RNF115: variants seen among roughly 807,000 people sequenced by gnomAD.
RNF115 encodes the protein ring finger protein 115.
Under a neutral mutation model 39.2 loss-of-function variants are expected in RNF115, and 31 were observed. The ratio of observed to expected loss-of-function variants is 0.79; its 90% CI spans 0.59 to 1.07. The LOEUF is 1.07. Among genes scored for constraint, RNF115 ranks in the 50% least tolerant of loss-of-function variants. RNF115 has a pLI of 0.00. For missense variants in RNF115, 384 were observed against 381.7 expected (o/e 1.01, Z -0.05); for synonymous variants, 124 against 131.0 (o/e 0.95, Z 0.37).
chr1:145,811,367 A>G (rs1164448568), intron 1 of RNF115, among the ~76,000 whole-genome samples: 5 of 148,182 alleles, frequency 3.4e-5, no homozygotes, highest in Admixed American at 2.7e-4. Context: ...AAAAAAAAAA[A>G]AAAAAAAAGA....
intron 3 of RNF115, chr1:145,773,410 G>A (rs1254079636): frequency 6.6e-6 from 1 of 151,434 alleles, no homozygotes; most frequent in Non-Finnish European, 1.5e-5. Context: ...TTGAACCAAC[G>A]AGTTCAAGAT....
intron 1 of RNF115, among the ~76,000 whole-genome samples, chr1:145,802,228 A>G (rs1553720967): frequency 6.6e-6 from 1 of 152,202 alleles, no homozygotes; most frequent in East Asian, 1.9e-4. Flanking sequence ...AGATTACTGT[A>G]AACAACTCTA....
At chr1:145,808,378 A>G (rs1257909396) in intron 1 of RNF115, among the ~76,000 whole-genome samples, 2 of 152,084 alleles carry the variant, frequency 1.3e-5, no homozygotes, top group Non-Finnish European at 2.9e-5. Context: ...AATAATGGCC[A>G]TTCTAACTGG....
intron 4 of RNF115, among the ~76,000 whole-genome samples, chr1:145,764,591 C>G (rs1304536500): frequency 6.7e-6 from 1 of 150,158 alleles, no homozygotes; most frequent in African/African-American, 2.5e-5. Flanking sequence ...AAGTGAGGAT[C>G]CCCTCCGCCC....
intron 1 of RNF115, among the ~76,000 whole-genome samples, chr1:145,816,778 C>T (rs2101612469): frequency 6.9e-6 from 1 of 145,068 alleles, no homozygotes; most frequent in African/African-American, 2.4e-5. Flanking sequence ...TCCCCTCTCT[C>T]TTCTCTCTCA....
intron 1 of RNF115, among the ~76,000 whole-genome samples, chr1:145,793,962 G>C (rs141794726): frequency 3.1e-3 from 465 of 151,074 alleles, no homozygotes; most frequent in African/African-American, 0.011. Flanking sequence ...TCCCACCTCA[G>C]CCTCCAGAGT....
chr1:145,787,090 AC>A (rs1648417521), intron 2 of RNF115: 1 of 1,162,974 alleles, frequency 8.6e-7, no homozygotes, highest in African/African-American at 1.6e-5. Flanking sequence ...TAAAGGAATT[AC>A]CTACTGCCAT....
intron 3 of RNF115, among the ~76,000 whole-genome samples, chr1:145,779,274 A>G (rs1553716975): frequency 6.6e-6 from 1 of 151,934 alleles, no homozygotes; most frequent in Admixed American, 6.6e-5. Context: ...TCCCAGGCTC[A>G]AGAGATTCTC....
At chr1:145,809,411 C>T (rs1441076397) in intron 1 of RNF115, among the ~76,000 whole-genome samples, 3 of 150,918 alleles carry the variant, frequency 2.0e-5, no homozygotes, top group Non-Finnish European at 1.5e-5. Context: ...AAACTCCCGA[C>T]CTCAGGTGAT....
intron 4 of RNF115, among the ~76,000 whole-genome samples, chr1:145,756,605 TAAAAC>T (rs1658303161): frequency 6.6e-6 from 1 of 152,146 alleles, no homozygotes; most frequent in Non-Finnish European, 1.5e-5. Flanking sequence ...CTGGGTAGCT[TAAAAC>T]AAAAGGAATT....
At chr1:145,747,234 C>T (rs1364237785) in intron 8 of RNF115, among the ~76,000 whole-genome samples, 1 of 152,146 alleles carries the variant, frequency 6.6e-6, no homozygotes, top group Non-Finnish European at 1.5e-5. Flanking sequence ...AAGTTAATAA[C>T]AGCTAATACA....
At chr1:145,764,410 G>A (rs1420722325) in intron 4 of RNF115, among the ~76,000 whole-genome samples, 2 of 147,502 alleles carry the variant, frequency 1.4e-5, no homozygotes, top group South Asian at 2.2e-4. Flanking sequence ...TCTGCCGGCC[G>A]CCCATCGTCT....
chr1:145,749,786 A>ATAT (rs1658010228), intron 7 of RNF115, among the ~76,000 whole-genome samples: 1 of 152,182 alleles, frequency 6.6e-6, no homozygotes, highest in Non-Finnish European at 1.5e-5. Context: ...CACACCACGT[A>ATAT]TATTAGTTCA....
At chr1:145,811,107 T>C (rs1402061957) in intron 1 of RNF115, among the ~76,000 whole-genome samples, 1 of 151,084 alleles carries the variant, frequency 6.6e-6, no homozygotes. Flanking sequence ...TGGGCTCAAG[T>C]GATCCAACCG....
intron 4 of RNF115, among the ~76,000 whole-genome samples, chr1:145,769,710 C>A (rs1312956179): frequency 1.5e-5 from 2 of 137,416 alleles, no homozygotes; most frequent in Non-Finnish European, 3.1e-5. Flanking sequence ...ATCCTGACAC[C>A]AAAACTTGAT....
In RNF115 at chr1:145,823,817, C is replaced by A. The variant is rs1650438011; in HGVS notation, c.57G>T (p.Arg19=). Residue 19 remains arginine, a synonymous_variant, in exon 1 of 9, where the codon CGG becomes CGT. Transcript: ENST00000582693. ...CGCCCTTGCAAAAGTGGCAGAAAAA[C>A]CGGTGGGCGGCTACAGCGGCGCCCG... The part of the protein sequence containing the change: ...ADSGAAVAAH[R]FFCHFCKGEV... 2 of 1,586,276 alleles carry A rather than the reference C, an allele frequency of 1.3e-6. No homozygotes were observed. The highest frequency in any genetic ancestry group is 2.8e-5 in the African/African-American group (2 of 72,236).
intron 1 of RNF115, among the ~76,000 whole-genome samples, chr1:145,790,870 G>A (rs10910835): frequency 0.49 from 74,838 of 151,618 alleles, 19,022 homozygotes; most frequent in East Asian, 0.7. Context: ...GTCTGGGCGC[G>A]GTGGCTCACG....
chr1:145,808,361 T>C (rs1256715607), intron 1 of RNF115, among the ~76,000 whole-genome samples: 2 of 152,192 alleles, frequency 1.3e-5, no homozygotes, highest in African/African-American at 4.8e-5. Context: ...GTTATTTTTG[T>C]CTTTTTAATA....
At chr1:145,812,171 G>C (rs1649755758) in intron 1 of RNF115, among the ~76,000 whole-genome samples, 1 of 148,242 alleles carries the variant, frequency 6.7e-6, no homozygotes, top group African/African-American at 2.4e-5. Context: ...TCTAAGCATG[G>C]TGAAAGGTAA....
Sources: gnomAD v4.1 joint callset for allele counts (sites outside exome capture counted in the v4.1 genomes callset) on GRCh38, gnomAD v4.1.1 for gene constraint, MANE v1.5 for transcripts, NCBI Gene and HGNC (gene_info 2026-07-23, HGNC 2026-07-21) for gene names.